Variants in PRKCH observed in about 807,000 individuals in gnomAD.
PRKCH encodes protein kinase C eta type.
In PRKCH, 28 loss-of-function variants were observed where a neutral mutation model predicts 82.5. That is an observed-to-expected ratio of 0.34 (90% CI 0.25 to 0.47). The LOEUF (loss-of-function observed/expected upper bound fraction) is 0.47. Among genes scored for constraint, PRKCH ranks in the 20% least tolerant of loss-of-function variants. The pLI, the probability that PRKCH is intolerant of heterozygous loss-of-function variation, is 1.00. For missense variants in PRKCH, 705 were observed against 881.8 expected (o/e 0.80, Z 2.54); for synonymous variants, 322 against 327.4 (o/e 0.98, Z 0.18).
chr14:61,520,074 CAAA>C (rs71992585), intron 10 of PRKCH, among the ~76,000 whole-genome samples: 8 of 97,390 alleles, frequency 8.2e-5, no homozygotes, highest in Admixed American at 1.1e-4. Flanking sequence ...CTACAGAAAC[CAAA>C]AAAAAAAAAA....
intron 2 of PRKCH, among the ~76,000 whole-genome samples, chr14:61,420,214 C>T (rs912374247): frequency 6.6e-6 from 1 of 152,160 alleles, no homozygotes; most frequent in Non-Finnish European, 1.5e-5. Context: ...TGTGACTACA[C>T]GTGTCTGTGT....
At position 61,306,341 on chromosome 14, in the gene PRKCH, CTCT is replaced by C. The variant is rs143827186; in HGVS notation, c.-19+118680_-19+118682del. On this transcript the variant is annotated intron_variant, in intron 1 of 3. Coordinates refer to the PRKCH transcript ENST00000555185. ...GAATGCTTGTGAAATCTTCTTTGTC[CTCT>C]TCTTCTGCATACTCCTTTCTTTGTG... The C allele has an allele frequency of 2.3e-3, 350 of 152,328 alleles. 3 individuals carry two copies. The highest frequency in any genetic ancestry group is 8.0e-3 in the African/African-American group (333 of 41,568). 9.4% of individuals were successfully genotyped at this position (152,328 alleles called of 1,614,324 possible). A position where few individuals can be genotyped will look rare whatever the true frequency, so the allele number is the denominator to read the frequency against.
At chr14:61,246,936 G>T (rs1435230507) in intron 1 of PRKCH, among the ~76,000 whole-genome samples, 1 of 151,816 alleles carries the variant, frequency 6.6e-6, no homozygotes, top group East Asian at 1.9e-4. Context: ...GACCCTCTTC[G>T]GCCCCCATTG....
intron 1 of PRKCH, among the ~76,000 whole-genome samples, chr14:61,245,540 C>T (rs971993626): frequency 5.9e-5 from 9 of 152,300 alleles, no homozygotes; most frequent in Admixed American, 2.0e-4. Flanking sequence ...GACAGAGGAG[C>T]GCCCAAGGAC....
At chr14:61,423,777 A>G (rs1882977223) in intron 2 of PRKCH, among the ~76,000 whole-genome samples, 1 of 152,222 alleles carries the variant, frequency 6.6e-6, no homozygotes, top group South Asian at 2.1e-4. Flanking sequence ...ACATTCAGCA[A>G]TGTAAAAGTC....
At chr14:61,326,997 A>C (rs2045705890) in intron 1 of PRKCH, 2 of 454,358 alleles carry the variant, frequency 4.4e-6, no homozygotes, top group Non-Finnish European at 4.4e-6. Flanking sequence ...TGCTTAATGC[A>C]GAGTGCTGGG....
intron 1 of PRKCH, among the ~76,000 whole-genome samples, chr14:61,206,463 C>T (rs141622966): frequency 1.4e-4 from 22 of 152,310 alleles, no homozygotes; most frequent in Admixed American, 7.2e-4. Context: ...ACTGTGACTT[C>T]GTCTTAACTA....
At chr14:61,456,042 G>T (rs970442645) in intron 7 of PRKCH, among the ~76,000 whole-genome samples, 1 of 152,164 alleles carries the variant, frequency 6.6e-6, no homozygotes, top group Non-Finnish European at 1.5e-5. Context: ...AATTCCATTT[G>T]CAGGAAGTTA....
At chr14:61,254,509 G>T (rs761063961) in intron 1 of PRKCH, among the ~76,000 whole-genome samples, 6 of 152,100 alleles carry the variant, frequency 3.9e-5, no homozygotes, top group Admixed American at 6.6e-5. Flanking sequence ...CCAGCTACTC[G>T]GGAGGCTGAG....
At chr14:61,292,150 CA>C (rs566945877) in intron 1 of PRKCH, among the ~76,000 whole-genome samples, 12 of 151,954 alleles carry the variant, frequency 7.9e-5, no homozygotes, top group Middle Eastern at 3.2e-3. Flanking sequence ...TGTGGCAGAT[CA>C]AACTCTGCTC....
At chr14:61,301,643 A>T (rs1040443890) in intron 1 of PRKCH, among the ~76,000 whole-genome samples, 6 of 152,138 alleles carry the variant, frequency 3.9e-5, no homozygotes, top group African/African-American at 1.4e-4. Flanking sequence ...GGAATTGGAG[A>T]CCAGCCTGGT....
intron 1 of PRKCH, among the ~76,000 whole-genome samples, chr14:61,357,785 G>A (rs976007865): frequency 6.6e-6 from 1 of 152,002 alleles, no homozygotes; most frequent in African/African-American, 2.4e-5. Flanking sequence ...CTCCTTGGTG[G>A]GCTTCTCTTC....
chr14:61,547,372 C>G (rs1434058615), intron 12 of PRKCH, among the ~76,000 whole-genome samples: 4 of 152,068 alleles, frequency 2.6e-5, no homozygotes, highest in Admixed American at 6.5e-5. Context: ...GAAAGTAGCC[C>G]CATTCATAAG....
In PRKCH at chr14:61,371,908, C is replaced by T. The variant is rs778188559; in HGVS notation, c.364-19317C>T. 2.6e-5 allele frequency among the ~76,000 whole-genome samples: 4 copies of T among 151,882 alleles called. 1 individual carries two copies. The highest frequency in any genetic ancestry group is 9.7e-5 in the African/African-American group (4 of 41,238). On this transcript the variant is annotated intron_variant, in intron 1 of 13. Transcript: ENST00000332981. ...GTCTATTCTCCCCCATTTATTTATT[C>T]TATCATTTATTTGTATCAGTATGGA...
At chr14:61,342,291 C>G (rs1318152316) in intron 1 of PRKCH, among the ~76,000 whole-genome samples, 1 of 152,000 alleles carries the variant, frequency 6.6e-6, no homozygotes, top group African/African-American at 2.4e-5. Context: ...TATGATCAAC[C>G]TAACTCATAT....
intron 1 of PRKCH, among the ~76,000 whole-genome samples, chr14:61,373,729 T>C (rs2046393510): frequency 6.6e-6 from 1 of 152,068 alleles, no homozygotes; most frequent in South Asian, 2.1e-4. Flanking sequence ...GCCTCCTGAG[T>C]AGTTGGGACT....
chr14:61,451,064 C>A, intron 6 of PRKCH, 93 bp downstream of exon 6: 1 of 1,425,258 alleles, frequency 7.0e-7, no homozygotes, highest in Non-Finnish European at 9.5e-7. Flanking sequence ...TGTCCTAGAA[C>A]TGATGGTTTT....
rs971651284 is a variant in PRKCH, at chr14:61,547,989, A to G, written c.1905+103A>G. 1.8e-5 allele frequency: 26 copies of G among 1,476,210 alleles called. No homozygotes were observed. The Admixed American group carries it at 3.5e-4, about 20-fold the overall frequency. 91.4% of individuals were successfully genotyped at this position (1,476,210 alleles called of 1,614,324 possible). On this transcript the variant is annotated intron_variant, in intron 13 of 13. Coordinates refer to ENST00000332981, the MANE Select transcript of PRKCH (RefSeq NM_006255.5). ...GGATGGCCCCTGTGGGTGACAGACC[A>G]GAAATTCAGCTGGATACTGCACAGG...
chr14:61,441,133 A>G (rs1043577518), intron 2 of PRKCH, among the ~76,000 whole-genome samples: 4 of 151,922 alleles, frequency 2.6e-5, no homozygotes, highest in African/African-American at 9.7e-5. Context: ...TCCTAGGCTC[A>G]AGTGATCTCC....
Sources: gnomAD v4.1 joint callset for allele counts (sites outside exome capture counted in the v4.1 genomes callset) on GRCh38, gnomAD v4.1.1 for gene constraint, MANE v1.5 for transcripts, NCBI Gene and HGNC (gene_info 2026-07-23, HGNC 2026-07-21) for gene names.